Variants in PRKACA observed in about 807,000 individuals in gnomAD.
PRKACA encodes protein kinase cAMP-activated catalytic subunit alpha, also known as cAMP-dependent protein kinase catalytic subunit alpha.
In PRKACA, 9 loss-of-function variants were observed where a neutral mutation model predicts 45.8. That is an observed-to-expected ratio of 0.20 (90% CI 0.12 to 0.34). The LOEUF is 0.34. Ranked by LOEUF, PRKACA falls within the 10% of genes least tolerant of loss-of-function variation. The pLI is 1.00. For missense variants in PRKACA, 238 were observed against 458.6 expected, an observed-to-expected ratio of 0.52 and a Z score of 4.39; for synonymous variants, 160 against 178.6, an observed-to-expected ratio of 0.90 and a Z score of 0.83.
chr19:14,101,180 T>G, intron 4 of PRKACA: 1 of 406,046 alleles, frequency 2.5e-6, no homozygotes, highest in Non-Finnish European at 4.6e-6. Context: ...AGTAAGGCTC[T>G]GAGGCCACAG....
At chr19:14,110,899 G>T (rs1966946651) in intron 1 of PRKACA, among the ~76,000 whole-genome samples, 1 of 152,216 alleles carries the variant, frequency 6.6e-6, no homozygotes, top group South Asian at 2.1e-4. Flanking sequence ...GTGCACCAGG[G>T]TGGCCAATGT....
intron 1 of PRKACA, among the ~76,000 whole-genome samples, chr19:14,109,968 ATATATATATATATAT>A (rs1966913846): frequency 2.4e-5 from 1 of 42,488 alleles, no homozygotes; most frequent in Non-Finnish European, 4.3e-5. Context: ...AAAAAAAAAT[ATATATATATATATAT>A]ATATATATAT....
chr19:14,104,044 A>T (rs1977525426), intron 3 of PRKACA, among the ~76,000 whole-genome samples: 1 of 151,978 alleles, frequency 6.6e-6, no homozygotes, highest in Non-Finnish European at 1.5e-5. Flanking sequence ...TGTCTCAAAA[A>T]CAAAACAACC....
chr19:14,111,135 C>T (rs960253678), intron 1 of PRKACA, among the ~76,000 whole-genome samples: 1 of 152,184 alleles, frequency 6.6e-6, no homozygotes, highest in African/African-American at 2.4e-5. Flanking sequence ...CAGTGGCTCA[C>T]GCCTGTAATC....
chr19:14,093,526 G>T, intron 9 of PRKACA, 102 bp downstream of exon 9: 1 of 1,415,214 alleles, frequency 7.1e-7, no homozygotes, highest in East Asian at 2.3e-5. Flanking sequence ...ACTCTAGGTT[G>T]CTCCTGAACC....
At position 14,092,594 on chromosome 19, in the gene PRKACA, A is replaced by G; in HGVS notation, c.*518T>C. The G allele has an allele frequency of 2.5e-6, 1 of 398,658 alleles. No homozygotes were observed. The allele number at this position is 398,658 out of a possible 1,614,324, so 24.7% of individuals were successfully genotyped here. On this transcript the variant is annotated 3_prime_UTR_variant, in exon 10 of 10. Coordinates refer to ENST00000308677, the MANE Select transcript of PRKACA (RefSeq NM_002730.4). ...TTGTTTTTTTAAAAAAATTCTAGCA[A>G]GCAACCCACTGAACATGTCACTAAA...
In PRKACA at chr19:14,091,838, T is replaced by C. The variant is rs1253085027; in HGVS notation, c.*1274A>G. 2.6e-5 allele frequency: 4 copies of C among 152,380 alleles called. No homozygotes were observed. Among genetic ancestry groups the C allele is most frequent in the African/African-American group, 9.7e-5 (4 of 41,436 alleles). The allele number at this position is 152,380 out of a possible 1,614,324, so 9.4% of individuals were successfully genotyped here. ...CCACCCCAGGCCTGAGAACTCCTCC[T>C]GGGATGGGGAGAAGTTATGAGAGGG... is the stretch of plus-strand genomic sequence containing the variant. On this transcript the variant is annotated 3_prime_UTR_variant, in exon 10 of 10. Transcript: ENST00000308677.
At chr19:14,103,174 A>G (rs1048111818) in intron 3 of PRKACA, among the ~76,000 whole-genome samples, 2 of 151,986 alleles carry the variant, frequency 1.3e-5, no homozygotes, top group Admixed American at 1.3e-4. Flanking sequence ...GCCGTGGTGG[A>G]GGGTATCTTG....
intron 1 of PRKACA, among the ~76,000 whole-genome samples, chr19:14,116,750 T>C (rs1389651450): frequency 2.0e-5 from 3 of 151,940 alleles, no homozygotes; most frequent in African/African-American, 7.3e-5. Context: ...CTGAAGCAAT[T>C]CTCTACGTTC....
chr19:14,097,651 C>G lies in PRKACA; in HGVS notation c.570G>C (p.Lys190Asn). Residue 190 changes from lysine (K) to asparagine (N), a missense_variant, in exon 7 of 10, where the codon AAG (lysine) becomes AAC (asparagine). Physicochemically the swap from Lys to Asn is moderately conservative, Grantham distance 94. Around this residue, in one of 3 missense-constraint regions of PRKACA, gnomAD observed 94 missense variants for 240.9 expected, o/e 0.39. Coordinates refer to ENST00000308677, the MANE Select transcript of PRKACA (RefSeq NM_002730.4). The surrounding 1 kb of genome is among the most constrained non-coding windows in gnomAD (Gnocchi z 5.4). ...AGGTCCAAGTGCGGCCCTTCACGCG[C>G]TTGGCGAAACCGAAGTCTGTCACCT... Reference protein sequence around the residue: ...YIQVTDFGFAKRVKGRTWTLC... With the variant: ...YIQVTDFGFANRVKGRTWTLC... The G allele has an allele frequency of 6.2e-7, 1 of 1,609,384 alleles. No homozygotes were observed. Among genetic ancestry groups the G allele is most frequent in the Non-Finnish European group, 8.5e-7 (1 of 1,176,870 alleles).
chr19:14,094,856 C>T (rs1168351141), intron 8 of PRKACA, among the ~76,000 whole-genome samples: 1 of 152,226 alleles, frequency 6.6e-6, no homozygotes, highest in Admixed American at 6.5e-5. Context: ...TGAAAGTTTT[C>T]CCCAAACCCT....
In PRKACA at chr19:14,097,711, G is replaced by A. The variant is rs377016441; in HGVS notation, c.547-37C>T. ...AGAACAGGCAGTTGGCAGGGAGGAA[G>A]GGTCCAGGCCACGGCTTCCCCAGGG... On this transcript the variant is annotated intron_variant, in intron 6 of 9. Coordinates refer to ENST00000308677, the MANE Select transcript of PRKACA (RefSeq NM_002730.4). The surrounding 1 kb of genome is among the most constrained non-coding windows in gnomAD (Gnocchi z 5.4). The A allele has an allele frequency of 6.2e-7, 1 of 1,612,330 alleles. No homozygotes were observed. The highest frequency in any genetic ancestry group is 1.3e-5 in the African/African-American group (1 of 74,890).
At chr19:14,096,356 T>TTG (rs1398449264) in intron 8 of PRKACA, 3 of 151,750 alleles carry the variant, frequency 2.0e-5, no homozygotes, top group Non-Finnish European at 2.9e-5. Context: ...AGTTTGTTTT[T>TTG]TTTTTTTTTT....
At chr19:14,093,549 T>A in intron 9 of PRKACA, 79 bp downstream of exon 9, 3 of 1,506,666 alleles carry the variant, frequency 2.0e-6, no homozygotes, top group South Asian at 1.3e-5. Context: ...TGTTCTCTTC[T>A]CTATTTCTCT....
intron 4 of PRKACA, among the ~76,000 whole-genome samples, chr19:14,102,269 C>A (rs759061283): frequency 1.3e-5 from 2 of 151,344 alleles, no homozygotes; most frequent in Non-Finnish European, 2.9e-5. Flanking sequence ...CTGGGTCAAA[C>A]GTCCATGAAG....
chr19:14,105,527 T>TA (rs1176530649), intron 3 of PRKACA, among the ~76,000 whole-genome samples: 1 of 150,466 alleles, frequency 6.6e-6, no homozygotes, highest in East Asian at 1.9e-4. Context: ...AAAAAAAACA[T>TA]AAAAAAAAGC....
At chr19:14,107,849 GC>G (rs1977659640) in intron 1 of PRKACA, 1 of 994,250 alleles carries the variant, frequency 1.0e-6, no homozygotes, top group African/African-American at 1.7e-5. Flanking sequence ...CCCTTGGGGG[GC>G]TCAGCTGTCA....
Position 14,110,089 on chromosome 19 carries a change from C to T in PRKACA, c.47-2680G>A, listed in dbSNP as rs548534222. On this transcript the variant is annotated intron_variant, in intron 1 of 9. Transcript: ENST00000308677. ...CTTTAGAAGGCCGAGGTTGGAGGAT[C>T]GCTTGAGGCCTGGAATTAGAGACCA... is the stretch of plus-strand genomic sequence containing the variant. Among the ~76,000 whole-genome samples, 6 of 147,348 alleles carry T rather than the reference C, an allele frequency of 4.1e-5. No homozygotes were observed. The South Asian group carries it at 8.7e-4, about 21-fold the overall frequency.
chr19:14,108,200 G>C, intron 1 of PRKACA: 2 of 968,724 alleles, frequency 2.1e-6, no homozygotes, highest in Non-Finnish European at 2.5e-6. Context: ...CCAGTTCAGA[G>C]CCCAGCCTGG....
Sources: gnomAD v4.1 joint callset for allele counts (sites outside exome capture counted in the v4.1 genomes callset) on GRCh38, gnomAD v4.1.1 for gene constraint, gnomAD v4.1.1 regional missense constraint, Gnocchi (gnomAD v3.1) non-coding constraint, MANE v1.5 for transcripts, NCBI Gene and HGNC (gene_info 2026-07-23, HGNC 2026-07-21) for gene names.